Variants in RWDD1 observed in about 807,000 individuals in gnomAD.
RWDD1 encodes the protein RWD domain-containing protein 1.
RWDD1 carries 17 observed loss-of-function variants against 31.6 expected under a neutral mutation model. That is an observed-to-expected ratio of 0.54 (90% CI 0.37 to 0.81). The LOEUF (loss-of-function observed/expected upper bound fraction) is 0.81, where lower values mean the gene tolerates loss of function less well. RWDD1 is among the 30% of genes least tolerant of loss of function. The pLI, the probability that RWDD1 is intolerant of heterozygous loss-of-function variation, is 0.00. For missense variants in RWDD1, 204 were observed against 274.5 expected, an observed-to-expected ratio of 0.74 and a Z score of 1.82; for synonymous variants, 78 against 94.2, an observed-to-expected ratio of 0.83 and a Z score of 0.99.
chr6:116,593,051 G>T lies in RWDD1; in HGVS notation c.682G>T (p.Asp228Tyr). ...TGACTTGGAGCTGGAGGATGATGAA[G>T]ATGATCCAGACTATAATCCTGCTGA... ...MDDLELEDDE[D>Y]DPDYNPADPE... Residue 228 changes from aspartate (D) to tyrosine (Y), a missense_variant, in exon 7 of 7, where the codon GAT becomes TAT. Transcript: ENST00000466444. 6.2e-7 allele frequency: 1 copy of T among 1,613,642 alleles called. No individual in the cohort carries two copies. The highest frequency in any genetic ancestry group is 8.5e-7 in the Non-Finnish European group (1 of 1,179,858).
intron 2 of RWDD1, among the ~76,000 whole-genome samples, chr6:116,583,322 A>G (rs2115329953): frequency 6.6e-6 from 1 of 152,228 alleles, no homozygotes; most frequent in Non-Finnish European, 1.5e-5. Flanking sequence ...AGTTCCCTTT[A>G]AGTTTCTTCT....
chr6:116,591,039 T>C (rs1775135762), intron 6 of RWDD1, 89 bp downstream of exon 6: 1 of 1,462,930 alleles, frequency 6.8e-7, no homozygotes, highest in Non-Finnish European at 9.0e-7. Context: ...GGCAGGAGGA[T>C]TGCTTGAGCC....
In RWDD1 at chr6:116,592,991, G is replaced by C; in HGVS notation, c.622G>C (p.Val208Leu). ...IQFLEDAGNN[V>L]EVDESLFQEM... ...GTTGCCTTTTGCAGCTGGAAACAAC[G>C]TGGAGGTAGATGAGTCTTTGTTCCA... The change falls in exon 7 of 7, where the codon GTG becomes CTG. Residue 208 changes from valine (V) to leucine (L), a missense_variant. Physicochemically the swap from Val to Leu is conservative, Grantham distance 32. Coordinates refer to ENST00000466444, the MANE Select transcript of RWDD1 (RefSeq NM_015952.4). The C allele has an allele frequency of 6.2e-7, 1 of 1,609,578 alleles. No individual in the cohort carries two copies. The highest frequency in any genetic ancestry group is 8.5e-7 in the Non-Finnish European group (1 of 1,178,884).
rs1583326969 is a variant in RWDD1 at position 116,571,619 on chromosome 6, G to T, written c.37G>T (p.Glu13Ter). Reference protein sequence around the residue: ...DYGEEQRNELEALESIYPDSF... With the variant: ...DYGEEQRNEL ...CGGCGAGGAGCAGCGCAACGAGCTG[G>T]AGGCCCTGGAGTCCATCTACCCTGA... Residue 13 changes from glutamate to a stop codon, truncating the protein, a stop_gained, in exon 1 of 7, where the codon GAG (glutamate) becomes TAG (stop). Transcript: ENST00000466444. LOFTEE classifies it high-confidence loss of function. 1 of 1,613,638 alleles carries T rather than the reference G, an allele frequency of 6.2e-7. No individual in the cohort carries two copies. The highest frequency in any genetic ancestry group is 1.3e-5 in the African/African-American group (1 of 74,882).
intron 6 of RWDD1, among the ~76,000 whole-genome samples, chr6:116,591,859 G>C (rs1433787086): frequency 1.3e-5 from 2 of 152,272 alleles, no homozygotes; most frequent in South Asian, 2.1e-4. Context: ...TTAAGAAGCA[G>C]TATTGATATA....
intron 2 of RWDD1, 55 bp downstream of exon 2, chr6:116,580,415 C>A: frequency 2.3e-6 from 3 of 1,313,840 alleles, no homozygotes; most frequent in South Asian, 2.6e-5. Context: ...GAATTTCACT[C>A]ATTCTGTAGG....
Position 116,594,929 on chromosome 6 carries a change from T to C in RWDD1, c.*1828T>C, listed in dbSNP as rs1775216957. 3 of 152,244 alleles carry C rather than the reference T, an allele frequency of 2.0e-5. No individual in the cohort carries two copies. The highest frequency in any genetic ancestry group is 7.2e-5 in the African/African-American group (3 of 41,460). 9.4% of individuals were successfully genotyped at this position (152,244 alleles called of 1,614,324 possible). ...AAAAGCAAATTATTTAAGATAAAAT[T>C]ACCATTGAGGAGTTTAATACTTTTC... On this transcript the variant is annotated 3_prime_UTR_variant, in exon 7 of 7. Coordinates refer to ENST00000466444, the MANE Select transcript of RWDD1 (RefSeq NM_015952.4).
In RWDD1 at chr6:116,571,571, G is replaced by T. The variant is rs62622856; in HGVS notation, c.-12G>T. The T allele has an allele frequency of 6.2e-7, 1 of 1,612,736 alleles. No homozygotes were observed. Among genetic ancestry groups the T allele is most frequent in the Admixed American group, 1.7e-5 (1 of 59,830 alleles). ...GTGTCTGGGCGATCTATGGGCAAGA[G>T]CAAGGGCCACGATGACAGATTACGG... On this transcript the variant is annotated 5_prime_UTR_variant, in exon 1 of 7. Coordinates refer to ENST00000466444, the MANE Select transcript of RWDD1 (RefSeq NM_015952.4).
chr6:116,571,737 G>T, intron 1 of RWDD1, 82 bp downstream of exon 1: 1 of 1,307,522 alleles, frequency 7.6e-7, no homozygotes, highest in Non-Finnish European at 1.0e-6. Flanking sequence ...GGGCCTCATA[G>T]GTTGGGGTGG....
At chr6:116,577,824 A>T (rs1476645372) in intron 1 of RWDD1, among the ~76,000 whole-genome samples, 1 of 151,934 alleles carries the variant, frequency 6.6e-6, no homozygotes, top group East Asian at 1.9e-4. Flanking sequence ...TATTATTGCT[A>T]AAAAAAAGAT....
chr6:116,581,986 CAT>C, intron 2 of RWDD1, among the ~76,000 whole-genome samples: 1 of 151,820 alleles, frequency 6.6e-6, no homozygotes, highest in South Asian at 2.1e-4. Flanking sequence ...GAAGTATTCT[CAT>C]GTTATTTTTG....
intron 6 of RWDD1, among the ~76,000 whole-genome samples, 183 bp downstream of exon 6, chr6:116,591,133 G>A (rs1483911399): frequency 6.6e-6 from 1 of 151,028 alleles, no homozygotes; most frequent in East Asian, 1.9e-4. Flanking sequence ...TGTATATAAT[G>A]TAGTCTCTTT....
Position 116,584,737 on chromosome 6 carries a change from T to C in RWDD1, c.150T>C (p.Thr50=). ...TATCTTGTGTCTTAGCTGTCCAGAC[T>C]ACCCTCAAGTTTACATACAGTGAAA... ...EAGENDETVQ[T]TLKFTYSEKY... The change falls in exon 3 of 7, where the codon ACT becomes ACC. Residue 50 remains threonine, a synonymous_variant. Coordinates refer to ENST00000466444, the MANE Select transcript of RWDD1 (RefSeq NM_015952.4). The C allele has an allele frequency of 2.5e-6, 4 of 1,611,076 alleles. No homozygotes were observed. Among genetic ancestry groups the C allele is most frequent in the Non-Finnish European group, 3.4e-6 (4 of 1,177,504 alleles).
chr6:116,575,574 C>G (rs1406644060), intron 1 of RWDD1, among the ~76,000 whole-genome samples: 1 of 120,976 alleles, frequency 8.3e-6, no homozygotes, highest in Non-Finnish European at 1.8e-5. Context: ...TAGTTACTGC[C>G]CAACTTTGAA....
chr6:116,574,658 TTCTTTCTTTCTC>T (rs1022363549), intron 1 of RWDD1, among the ~76,000 whole-genome samples: 4 of 148,970 alleles, frequency 2.7e-5, no homozygotes, highest in African/African-American at 5.0e-5. Context: ...CTTTCTTTCT[TTCTTTCTTTCTC>T]TCTCTCTCTC....
intron 3 of RWDD1, among the ~76,000 whole-genome samples, chr6:116,587,979 G>A (rs915115162): frequency 6.6e-6 from 1 of 152,164 alleles, no homozygotes; most frequent in South Asian, 2.1e-4. Flanking sequence ...GAAGATGATG[G>A]TTGTGTGTTG....
At chr6:116,589,605 T>C (rs886355969) in intron 4 of RWDD1, among the ~76,000 whole-genome samples, 7 of 152,178 alleles carry the variant, frequency 4.6e-5, no homozygotes, top group East Asian at 3.8e-4. Flanking sequence ...TCAAAACATA[T>C]CAGTTTTGAC....
At chr6:116,581,863 A>G (rs933482549) in intron 2 of RWDD1, among the ~76,000 whole-genome samples, 1 of 152,048 alleles carries the variant, frequency 6.6e-6, no homozygotes, top group African/African-American at 2.4e-5. Context: ...GCACAGTATC[A>G]TAATACAAAA....
In RWDD1 at chr6:116,571,672, C is replaced by G. The variant is rs747410768; in HGVS notation, c.73+17C>G. On this transcript the variant is annotated intron_variant, in intron 1 of 6. Coordinates refer to ENST00000466444, the MANE Select transcript of RWDD1 (RefSeq NM_015952.4). ...CCTTCACAGGTGACTCCCGCGGCCGCAAGCCTGTAGCCGCCCCGAGGTGGA... is the reference window on the plus strand; with the variant it reads ...CCTTCACAGGTGACTCCCGCGGCCGGAAGCCTGTAGCCGCCCCGAGGTGGA... The G allele has an allele frequency of 1.4e-5, 23 of 1,600,808 alleles. No homozygotes were observed. Among genetic ancestry groups the G allele is most frequent in the Non-Finnish European group, 1.8e-5 (21 of 1,174,986 alleles).
Sources: allele counts gnomAD v4.1 joint callset (sites outside exome capture counted in the v4.1 genomes callset), GRCh38; gene constraint gnomAD v4.1.1; transcripts MANE v1.5; gene names NCBI Gene and HGNC (gene_info 2026-07-23, HGNC 2026-07-21).